Variants in PLPPR1 observed in about 807,000 individuals in gnomAD.
The protein encoded by PLPPR1 is phospholipid phosphatase-related protein type 1.
Under a neutral mutation model 33.1 loss-of-function variants are expected in PLPPR1, and 10 were observed. The ratio of observed to expected loss-of-function variants is 0.30; its 90% CI spans 0.19 to 0.51. The LOEUF (loss-of-function observed/expected upper bound fraction) is 0.51, where lower values mean the gene tolerates loss of function less well. PLPPR1 is among the 20% of genes least tolerant of loss of function. PLPPR1 has a pLI of 0.97. For synonymous variants in PLPPR1, 151 were observed against 151.0 expected (o/e 1.00, Z 0.00); for missense variants, 304 against 408.1 (o/e 0.74, Z 2.20).
intron 1 of PLPPR1, among the ~76,000 whole-genome samples, chr9:101,155,594 C>T (rs1251365326): frequency 1.6e-5 from 2 of 123,242 alleles, no homozygotes; most frequent in African/African-American, 5.8e-5. Context: ...TTTCTTTTCT[C>T]TCTCTCTCTC....
intron 1 of PLPPR1, among the ~76,000 whole-genome samples, chr9:101,123,061 G>A (rs768711654): frequency 6.6e-6 from 1 of 152,312 alleles, no homozygotes; most frequent in East Asian, 1.9e-4. Flanking sequence ...CTGTTCTGAA[G>A]CTTCTCAAGG....
At chr9:101,119,669 C>G (rs1012127807) in intron 1 of PLPPR1, among the ~76,000 whole-genome samples, 3 of 152,222 alleles carry the variant, frequency 2.0e-5, no homozygotes, top group Non-Finnish European at 4.4e-5. Flanking sequence ...ACCAGCCTAA[C>G]ACCATAACAA....
chr9:101,235,216 C>G (rs562949284), intron 2 of PLPPR1, among the ~76,000 whole-genome samples: 1 of 151,928 alleles, frequency 6.6e-6, no homozygotes, highest in South Asian at 2.1e-4. Context: ...CTTTTTCCCC[C>G]GATTCCTTTC....
At chr9:101,088,407 G>GTAAA (rs140792195) in intron 1 of PLPPR1, among the ~76,000 whole-genome samples, 8,066 of 152,032 alleles carry the variant, frequency 0.053, 371 homozygotes, top group African/African-American at 0.12. Flanking sequence ...TTGAAAAAAA[G>GTAAA]TAATTCTAAT....
intron 1 of PLPPR1, among the ~76,000 whole-genome samples, chr9:101,183,684 C>T (rs373563811): frequency 1.7e-4 from 22 of 129,370 alleles, no homozygotes; most frequent in South Asian, 1.1e-3. Flanking sequence ...TAGTTACTCC[C>T]GTCTCTTTGT....
chr9:101,116,505 T>C (rs936426978), intron 1 of PLPPR1, among the ~76,000 whole-genome samples: 2 of 152,188 alleles, frequency 1.3e-5, no homozygotes, highest in African/African-American at 4.8e-5. Flanking sequence ...ATTGCTGTTG[T>C]ACTCTTTGTG....
chr9:101,090,688 A>C (rs909289352), intron 1 of PLPPR1, among the ~76,000 whole-genome samples: 8 of 152,032 alleles, frequency 5.3e-5, no homozygotes, highest in African/African-American at 1.9e-4. Flanking sequence ...ACTGCTCTCC[A>C]GCCTGGACGA....
At chr9:101,233,459 G>A (rs1827230992) in intron 2 of PLPPR1, among the ~76,000 whole-genome samples, 1 of 151,974 alleles carries the variant, frequency 6.6e-6, no homozygotes, top group Non-Finnish European at 1.5e-5. Context: ...ATGACCCAAC[G>A]GGGATGGGAG....
chr9:101,239,092 T>A (rs900973197), intron 2 of PLPPR1, among the ~76,000 whole-genome samples: 4 of 151,558 alleles, frequency 2.6e-5, no homozygotes, highest in Non-Finnish European at 5.9e-5. Context: ...TGTGTGTACA[T>A]ATATACCATA....
intron 1 of PLPPR1, among the ~76,000 whole-genome samples, chr9:101,099,918 A>G (rs1293764536): frequency 6.6e-6 from 1 of 152,114 alleles, no homozygotes; most frequent in Non-Finnish European, 1.5e-5. Context: ...GTTTTCCACT[A>G]ATGTCCAATA....
intron 4 of PLPPR1, among the ~76,000 whole-genome samples, chr9:101,294,866 G>A (rs372482496): frequency 1.3e-5 from 2 of 152,126 alleles, no homozygotes; most frequent in Non-Finnish European, 2.9e-5. Flanking sequence ...GCAAAAACTG[G>A]AAGCATTCCC....
intron 1 of PLPPR1, among the ~76,000 whole-genome samples, chr9:101,181,019 C>T (rs1263928281): frequency 6.6e-6 from 1 of 150,906 alleles, no homozygotes; most frequent in East Asian, 1.9e-4. Flanking sequence ...ATGAAGAACT[C>T]AAACAACTCA....
At chr9:101,200,504 A>G (rs1004346534) in intron 2 of PLPPR1, among the ~76,000 whole-genome samples, 2 of 152,244 alleles carry the variant, frequency 1.3e-5, no homozygotes, top group Non-Finnish European at 2.9e-5. Context: ...ACTAGGTGAT[A>G]CGATTTGAAG....
chr9:101,170,369 C>A (rs1825921298), intron 1 of PLPPR1, among the ~76,000 whole-genome samples: 4 of 152,068 alleles, frequency 2.6e-5, no homozygotes, highest in Admixed American at 2.6e-4. Context: ...AAAGAGGAAG[C>A]AAGACACATC....
intron 1 of PLPPR1, among the ~76,000 whole-genome samples, chr9:101,061,245 C>A (rs1484165379): frequency 6.6e-6 from 1 of 151,812 alleles, no homozygotes; most frequent in Non-Finnish European, 1.5e-5. Context: ...TGAAATATAT[C>A]TAATTGCCTC....
At chr9:101,269,074 G>A (rs1426063396) in intron 2 of PLPPR1, among the ~76,000 whole-genome samples, 1 of 152,104 alleles carries the variant, frequency 6.6e-6, no homozygotes, top group Non-Finnish European at 1.5e-5. Flanking sequence ...TTCCAAATAT[G>A]AATGGAAAAA....
intron 1 of PLPPR1, among the ~76,000 whole-genome samples, chr9:101,154,703 G>T (rs550142703): frequency 3.1e-4 from 47 of 152,088 alleles, no homozygotes; most frequent in African/African-American, 8.2e-4. Flanking sequence ...CAAAGACTTG[G>T]AACCAACCCA....
intron 2 of PLPPR1, among the ~76,000 whole-genome samples, chr9:101,203,932 A>C (rs1318887723): frequency 6.6e-6 from 1 of 152,078 alleles, no homozygotes; most frequent in African/African-American, 2.4e-5. Flanking sequence ...GGAATTTGAG[A>C]AAGAGTTATG....
chr9:101,145,738 G>A (rs1476219465), intron 1 of PLPPR1, among the ~76,000 whole-genome samples: 1 of 151,360 alleles, frequency 6.6e-6, no homozygotes, highest in African/African-American at 2.4e-5. Flanking sequence ...AGAAATGTCA[G>A]GCCAGATGTG....
Sources: gnomAD v4.1 joint callset for allele counts (sites outside exome capture counted in the v4.1 genomes callset) on GRCh38, gnomAD v4.1.1 for gene constraint, MANE v1.5 for transcripts, NCBI Gene and HGNC (gene_info 2026-07-23, HGNC 2026-07-21) for gene names.